PDSS2: variants seen among roughly 807,000 people sequenced by gnomAD.
PDSS2 encodes all trans-polyprenyl-diphosphate synthase PDSS2.
In PDSS2, 31 loss-of-function variants were observed where a neutral mutation model predicts 44.5. The observed-to-expected ratio is 0.70, with a 90% CI of 0.52 to 0.94. PDSS2 has a LOEUF of 0.94. PDSS2 is among the 40% of genes least tolerant of loss of function. The pLI is 0.00. For missense variants in PDSS2, 452 were observed against 482.2 expected, an observed-to-expected ratio of 0.94 and a Z score of 0.59; for synonymous variants, 157 against 180.3, an observed-to-expected ratio of 0.87 and a Z score of 1.03.
chr6:107,208,105 G>A (rs1773063159), intron 6 of PDSS2, among the ~76,000 whole-genome samples: 1 of 147,116 alleles, frequency 6.8e-6, no homozygotes, highest in Non-Finnish European at 1.5e-5. Context: ...TCCTGCCTCA[G>A]CCTCCCGAGT....
At chr6:107,250,231 A>G (rs756435194) in intron 3 of PDSS2, among the ~76,000 whole-genome samples, 18 of 151,646 alleles carry the variant, frequency 1.2e-4, no homozygotes, top group Non-Finnish European at 2.5e-4. Context: ...TGTCTGTAAC[A>G]TATTCTTAAG....
At chr6:107,319,216 T>C (rs1777307700) in intron 2 of PDSS2, among the ~76,000 whole-genome samples, 1 of 152,176 alleles carries the variant, frequency 6.6e-6, no homozygotes, top group Non-Finnish European at 1.5e-5. Context: ...TAAATGTTTC[T>C]TCTCTTATAC....
At chr6:107,246,909 A>C (rs189385194) in intron 3 of PDSS2, among the ~76,000 whole-genome samples, 1 of 152,322 alleles carries the variant, frequency 6.6e-6, no homozygotes, top group East Asian at 1.9e-4. Flanking sequence ...CCAAATACTT[A>C]AGAAATATTG....
At chr6:107,379,271 A>G (rs961288206) in intron 1 of PDSS2, among the ~76,000 whole-genome samples, 67 of 152,370 alleles carry the variant, frequency 4.4e-4, no homozygotes, top group African/African-American at 1.6e-3. Flanking sequence ...ATCAGGTCGT[A>G]TAACATTTCT....
At chr6:107,348,186 C>T (rs1778315077) in intron 1 of PDSS2, among the ~76,000 whole-genome samples, 1 of 152,100 alleles carries the variant, frequency 6.6e-6, no homozygotes, top group Non-Finnish European at 1.5e-5. Flanking sequence ...AGAGAGTATG[C>T]TAATGTTTTT....
At chr6:107,243,881 C>T (rs1182744454) in intron 4 of PDSS2, among the ~76,000 whole-genome samples, 1 of 152,208 alleles carries the variant, frequency 6.6e-6, no homozygotes, top group Non-Finnish European at 1.5e-5. Flanking sequence ...GTAATCCCAG[C>T]ACTTTGGGAG....
intron 2 of PDSS2, among the ~76,000 whole-genome samples, chr6:107,281,942 G>A (rs185132076): frequency 1.6e-4 from 24 of 152,166 alleles, no homozygotes; most frequent in African/African-American, 3.9e-4. Context: ...GTCTTGCTCC[G>A]TCACCCAGGC....
chr6:107,452,331 C>G (rs1781896485), intron 1 of PDSS2, among the ~76,000 whole-genome samples: 1 of 151,820 alleles, frequency 6.6e-6, no homozygotes, highest in African/African-American at 2.4e-5. Flanking sequence ...CTCCCAGATT[C>G]AAGTGATTCT....
chr6:107,429,815 C>T (rs1238275639), intron 1 of PDSS2, among the ~76,000 whole-genome samples: 11 of 139,608 alleles, frequency 7.9e-5, no homozygotes, highest in African/African-American at 2.7e-4. Context: ...AATCGGGAGG[C>T]GGAGGTTGCA....
Position 107,459,170 on chromosome 6 carries a change from C to T in PDSS2, c.116G>A (p.Arg39His). 6.2e-7 allele frequency: 1 copy of T among 1,614,124 alleles called. No individual in the cohort carries two copies. The highest frequency in any genetic ancestry group is 8.5e-7 in the Non-Finnish European group (1 of 1,180,032). ...LDTISSVGSW[R>H]GRSSKSPAHW... Reference sequence around the variant, plus strand: ...GGCCGGGGACTTGGAGGACCGACCACGCCAAGAGCCCACCGAGGAGATGGT... The same window carrying T: ...GGCCGGGGACTTGGAGGACCGACCATGCCAAGAGCCCACCGAGGAGATGGT... The change falls in exon 1 of 8, where the codon CGT becomes CAT. Residue 39 changes from arginine (R) to histidine (H), a missense_variant. Physicochemically the swap from Arg to His is conservative, Grantham distance 29 (BLOSUM62 0). Coordinates refer to ENST00000369037, the MANE Select transcript of PDSS2 (RefSeq NM_020381.4). This position sits in a 1 kb window ranked among gnomAD's most constrained non-coding sequence, Gnocchi z 4.3.
intron 7 of PDSS2, among the ~76,000 whole-genome samples, chr6:107,182,011 G>A (rs1004138304): frequency 6.6e-6 from 1 of 152,092 alleles, no homozygotes; most frequent in Non-Finnish European, 1.5e-5. Context: ...AAGGAATAGA[G>A]ATTATGATAA....
At chr6:107,394,215 A>G (rs1253134324) in intron 1 of PDSS2, among the ~76,000 whole-genome samples, 2 of 151,746 alleles carry the variant, frequency 1.3e-5, no homozygotes, top group East Asian at 3.9e-4. Flanking sequence ...TAGGATTTGG[A>G]GTATATGTAT....
intron 4 of PDSS2, among the ~76,000 whole-genome samples, chr6:107,230,674 C>T (rs993212683): frequency 2.0e-5 from 3 of 151,922 alleles, no homozygotes; most frequent in African/African-American, 7.2e-5. Context: ...CTAGCCAGGG[C>T]ATGTTTTTCT....
At chr6:107,190,937 G>T (rs1772353663) in intron 7 of PDSS2, among the ~76,000 whole-genome samples, 1 of 152,118 alleles carries the variant, frequency 6.6e-6, no homozygotes, top group South Asian at 2.1e-4. Context: ...TGTCGCCCAG[G>T]CTGGAGTGCA....
chr6:107,364,120 C>T (rs1192538118), intron 1 of PDSS2, among the ~76,000 whole-genome samples: 1 of 152,230 alleles, frequency 6.6e-6, no homozygotes, highest in Non-Finnish European at 1.5e-5. Flanking sequence ...ATTTACAATC[C>T]CTGAGCTAGA....
chr6:107,156,845 CTGA>C (rs1770917761), intron 7 of PDSS2, among the ~76,000 whole-genome samples: 1 of 152,180 alleles, frequency 6.6e-6, no homozygotes. Context: ...GCCATTTTGA[CTGA>C]TAACAATGAA....
chr6:107,311,837 T>C (rs1242131149), intron 2 of PDSS2, among the ~76,000 whole-genome samples: 2 of 152,178 alleles, frequency 1.3e-5, no homozygotes, highest in African/African-American at 2.4e-5. Flanking sequence ...TTTTGAGACA[T>C]AAATGAGATA....
intron 1 of PDSS2, among the ~76,000 whole-genome samples, chr6:107,335,689 A>C (rs1777863923): frequency 6.6e-6 from 1 of 152,198 alleles, no homozygotes; most frequent in Non-Finnish European, 1.5e-5. Flanking sequence ...AATGGTTGTC[A>C]TTCAAGAACT....
chr6:107,289,046 C>T (rs900854758), intron 2 of PDSS2, among the ~76,000 whole-genome samples: 8 of 149,702 alleles, frequency 5.3e-5, no homozygotes, highest in African/African-American at 1.7e-4. Context: ...GGATTACAGG[C>T]GTGAGTCACC....
Sources: gnomAD v4.1 joint callset for allele counts (sites outside exome capture counted in the v4.1 genomes callset) on GRCh38, gnomAD v4.1.1 for gene constraint, Gnocchi (gnomAD v3.1) non-coding constraint, MANE v1.5 for transcripts, NCBI Gene and HGNC (gene_info 2026-07-23, HGNC 2026-07-21) for gene names.